NR3C2: variants seen among roughly 807,000 people sequenced by gnomAD.
NR3C2 encodes mineralocorticoid receptor.
A neutral mutation model predicts 86.4 loss-of-function variants in NR3C2; 15 were observed. The ratio of observed to expected loss-of-function variants is 0.17; its 90% CI spans 0.12 to 0.27. The LOEUF (loss-of-function observed/expected upper bound fraction) is 0.27, where lower values mean the gene tolerates loss of function less well. Ranked by LOEUF, NR3C2 falls within the 10% of genes least tolerant of loss-of-function variation. NR3C2 has a pLI of 1.00. For synonymous variants in NR3C2, 458 were observed against 450.5 expected, an observed-to-expected ratio of 1.02 and a Z score of -0.21; for missense variants, 960 against 1,195.6, an observed-to-expected ratio of 0.80 and a Z score of 2.91.
chr4:148,155,399 A>T (rs1462339848), intron 4 of NR3C2, among the ~76,000 whole-genome samples: 2 of 152,214 alleles, frequency 1.3e-5, no homozygotes, highest in African/African-American at 4.8e-5. Flanking sequence ...TAAGCTGATA[A>T]GCAACTTCAG....
chr4:148,132,679 T>C (rs1175101925), intron 6 of NR3C2, among the ~76,000 whole-genome samples: 7 of 152,234 alleles, frequency 4.6e-5, no homozygotes, highest in Admixed American at 4.6e-4. Context: ...TAGACTATAA[T>C]GATTTGCTTA....
intron 2 of NR3C2, among the ~76,000 whole-genome samples, chr4:148,264,230 T>C: frequency 6.6e-6 from 1 of 152,170 alleles, no homozygotes; most frequent in East Asian, 1.9e-4. Flanking sequence ...GTCACAAAAA[T>C]AGATGGGTTT....
chr4:148,142,676 G>A (rs1419167924), intron 6 of NR3C2, among the ~76,000 whole-genome samples: 1 of 151,994 alleles, frequency 6.6e-6, no homozygotes. Flanking sequence ...TTGTATTTTT[G>A]GTAGAGACAG....
At chr4:148,300,882 A>G (rs1349561446) in intron 2 of NR3C2, among the ~76,000 whole-genome samples, 2 of 151,974 alleles carry the variant, frequency 1.3e-5, no homozygotes, top group African/African-American at 2.4e-5. Context: ...TTGCCTTGTC[A>G]CTCTTAATGC....
At chr4:148,328,465 C>T (rs545482676) in intron 2 of NR3C2, among the ~76,000 whole-genome samples, 33 of 152,256 alleles carry the variant, frequency 2.2e-4, no homozygotes, top group African/African-American at 7.7e-4. Flanking sequence ...TCAAGTAGAT[C>T]CTAGCATCTT....
At chr4:148,407,938 T>C (rs1748502481) in intron 2 of NR3C2, among the ~76,000 whole-genome samples, 1 of 152,188 alleles carries the variant, frequency 6.6e-6, no homozygotes, top group Non-Finnish European at 1.5e-5. Flanking sequence ...CCTGTTAGCA[T>C]GCTCTCAGTA....
chr4:148,341,991 T>C (rs2149982109), intron 2 of NR3C2, among the ~76,000 whole-genome samples: 1 of 152,248 alleles, frequency 6.6e-6, no homozygotes, highest in East Asian at 1.9e-4. Flanking sequence ...GGTCACAACT[T>C]CACACACTGG....
intron 3 of NR3C2, 112 bp from the exon 4 acceptor site, chr4:148,194,974 C>CA (rs1175882248): frequency 6.1e-6 from 5 of 823,944 alleles, no homozygotes; most frequent in Non-Finnish European, 9.9e-6. Flanking sequence ...ATCTCTTTCT[C>CA]AAAAAAGTAA....
At chr4:148,338,088 T>C (rs759193924) in intron 2 of NR3C2, among the ~76,000 whole-genome samples, 2 of 152,200 alleles carry the variant, frequency 1.3e-5, no homozygotes, top group African/African-American at 2.4e-5. Flanking sequence ...TAATGCTATA[T>C]GTACAGGTCA....
rs1301861622 is a variant in NR3C2, at chr4:148,435,776, G to C, written c.1085C>G (p.Pro362Arg). The C allele has an allele frequency of 6.2e-7, 1 of 1,614,000 alleles. No homozygotes were observed. Among genetic ancestry groups the C allele is most frequent in the Non-Finnish European group, 8.5e-7 (1 of 1,180,022 alleles). The change falls in exon 2 of 9, where the codon CCA (proline) becomes CGA (arginine). Residue 362 changes from proline to arginine, a missense_variant. Physicochemically the swap from Pro to Arg is moderately radical, Grantham distance 103. This residue lies in a region of NR3C2 where 680 missense variants were observed against 719.0 expected (regional missense o/e 0.95). Coordinates refer to ENST00000358102, the MANE Select transcript of NR3C2 (RefSeq NM_000901.5). ...TTGAGCACCTTTCTCCTGCGTGTCT[G>C]GACTGGGAACCACATCCCGCAATGT... ...SSTLRDVVPS[P>R]DTQEKGAQEV...
chr4:148,436,956 A>G, intron 1 of NR3C2, 94 bp from the exon 2 acceptor site: 1 of 989,304 alleles, frequency 1.0e-6, no homozygotes, highest in Non-Finnish European at 1.5e-6. Flanking sequence ...GCCACAAAAC[A>G]TATTCTACTT....
chr4:148,199,119 C>A (rs1736589127), intron 3 of NR3C2, among the ~76,000 whole-genome samples: 1 of 148,880 alleles, frequency 6.7e-6, no homozygotes, highest in Non-Finnish European at 1.5e-5. Flanking sequence ...TGAGAAAATC[C>A]AAAGAACAAA....
chr4:148,363,819 C>A (rs1745976384), intron 2 of NR3C2, among the ~76,000 whole-genome samples: 2 of 152,088 alleles, frequency 1.3e-5, no homozygotes, highest in Admixed American at 1.3e-4. Context: ...TCATATATCT[C>A]TACATCAAGT....
chr4:148,444,267 T>C, upstream of NR3C2: 1 of 985,388 alleles, frequency 1.0e-6, no homozygotes, highest in Non-Finnish European at 1.2e-6. Flanking sequence ...GGAGGGCCGG[T>C]CTTGCCCTGG....
chr4:148,153,818 G>A (rs1356616240), intron 5 of NR3C2, among the ~76,000 whole-genome samples: 1 of 152,068 alleles, frequency 6.6e-6, no homozygotes, highest in African/African-American at 2.4e-5. Flanking sequence ...AGTCATTCCA[G>A]GTCTCTTACA....
At chr4:148,289,843 C>A (rs1741714540) in intron 2 of NR3C2, among the ~76,000 whole-genome samples, 1 of 152,092 alleles carries the variant, frequency 6.6e-6, no homozygotes, top group African/African-American at 2.4e-5. Context: ...ATGCGAGCTG[C>A]CCTATGGAGT....
chr4:148,260,148 A>G (rs1467181455), intron 2 of NR3C2, 31 bp from the exon 3 acceptor site: 1 of 1,613,504 alleles, frequency 6.2e-7, no homozygotes, highest in South Asian at 1.1e-5. Flanking sequence ...TTAAATAACT[A>G]CACCGTAAAG....
At chr4:148,256,864 AAAT>A (rs148553059) in intron 3 of NR3C2, among the ~76,000 whole-genome samples, 32,938 of 152,008 alleles carry the variant, frequency 0.22, 3,638 homozygotes, top group Admixed American at 0.29. Context: ...AAGAAGAAGA[AAAT>A]AAGAACACAC....
At position 148,293,523 on chromosome 4, in the gene NR3C2, C is replaced by T. The variant is rs569896657; in HGVS notation, c.1758-33406G>A. 9.2e-5 allele frequency among the ~76,000 whole-genome samples: 14 copies of T among 152,286 alleles called. No homozygotes were observed. In the South Asian group the frequency reaches 2.7e-3, roughly 29 times the overall value. ...GTTACCTCCTTCAATTCATTACTGA[C>T]TAGAAATGCCTTAACAACAATATGT... On this transcript the variant is annotated intron_variant, in intron 2 of 8. Transcript: ENST00000358102.
Sources: allele counts gnomAD v4.1 joint callset (sites outside exome capture counted in the v4.1 genomes callset), GRCh38; gene constraint gnomAD v4.1.1; regional missense constraint gnomAD v4.1.1; transcripts MANE v1.5; gene names NCBI Gene and HGNC (gene_info 2026-07-23, HGNC 2026-07-21).